The following VWA3B variants were observed in gnomAD, a reference collection of about 807,000 sequenced individuals.
VWA3B encodes von Willebrand factor A domain containing 3B.
In VWA3B, 138 loss-of-function variants were observed where a neutral mutation model predicts 158.3. The ratio of observed to expected loss-of-function variants is 0.87; its 90% CI spans 0.76 to 1.00. The LOEUF (loss-of-function observed/expected upper bound fraction) is 1.00. Among genes scored for constraint, VWA3B ranks in the 50% least tolerant of loss-of-function variants. The probability of loss-of-function intolerance (pLI) is 0.00; values close to 1 mark genes in which losing one functional copy is unlikely to be tolerated. For missense variants in VWA3B, 1,555 were observed against 1,565.1 expected, an observed-to-expected ratio of 0.99 and a Z score of 0.11; for synonymous variants, 596 against 587.3, an observed-to-expected ratio of 1.01 and a Z score of -0.21.
At chr2:98,238,368 C>T (rs1685843019) in intron 19 of VWA3B, among the ~76,000 whole-genome samples, 1 of 152,202 alleles carries the variant, frequency 6.6e-6, no homozygotes, top group Admixed American at 6.5e-5. Context: ...CTTCTAGAAG[C>T]AACAGGGAGA....
intron 2 of VWA3B, among the ~76,000 whole-genome samples, chr2:98,112,281 GGTGTGTGTGTGTGTGTGTGTGGGTGT>G (rs1240123304): frequency 1.3e-5 from 2 of 148,294 alleles, no homozygotes; most frequent in African/African-American, 5.0e-5. Context: ...GTCTGTTTGG[GGTGTGTGTGTGTGTGTGTGTGGGTGT>G]GTGTGTGTGT....
intron 8 of VWA3B, among the ~76,000 whole-genome samples, chr2:98,168,153 A>G (rs541374447): frequency 6.6e-6 from 1 of 152,350 alleles, no homozygotes; most frequent in South Asian, 2.1e-4. Context: ...ACTGACTGAG[A>G]ACTAACACAG....
chr2:98,145,629 T>A (rs538697590), intron 7 of VWA3B, among the ~76,000 whole-genome samples: 5 of 152,350 alleles, frequency 3.3e-5, no homozygotes, highest in Admixed American at 2.6e-4. Context: ...GCGTTCACCC[T>A]CTGTGGTTTC....
At chr2:98,278,360 G>A (rs1224130929) in intron 22 of VWA3B, among the ~76,000 whole-genome samples, 1 of 152,232 alleles carries the variant, frequency 6.6e-6, no homozygotes, top group Non-Finnish European at 1.5e-5. Context: ...GCCCCAGAGG[G>A]CGTGTGTTAC....
At chr2:98,102,619 C>A (rs1033090825) in intron 2 of VWA3B, among the ~76,000 whole-genome samples, 24 of 152,164 alleles carry the variant, frequency 1.6e-4, no homozygotes, top group African/African-American at 5.1e-4. Context: ...GCGAAAATAC[C>A]AATTTCTTAC....
chr2:98,229,193 T>A (rs1228005939), intron 15 of VWA3B, among the ~76,000 whole-genome samples: 4 of 152,196 alleles, frequency 2.6e-5, no homozygotes. Flanking sequence ...GCTTCTAAAT[T>A]TCAAAAATTT....
intron 19 of VWA3B, 104 bp downstream of exon 19, chr2:98,236,834 G>C: frequency 6.9e-7 from 1 of 1,440,522 alleles, no homozygotes; most frequent in Non-Finnish European, 9.3e-7. Context: ...ATGTATTTTA[G>C]CCACTGGGGG....
intron 26 of VWA3B, among the ~76,000 whole-genome samples, chr2:98,308,042 C>T (rs765611538): frequency 5.9e-5 from 9 of 152,024 alleles, no homozygotes; most frequent in East Asian, 1.9e-4. Context: ...TTGAACACAG[C>T]GAAATCTGAT....
intron 7 of VWA3B, among the ~76,000 whole-genome samples, chr2:98,138,477 C>G (rs767376332): frequency 4.2e-4 from 64 of 152,236 alleles, no homozygotes; most frequent in Non-Finnish European, 7.5e-4. Flanking sequence ...TTCTTACACA[C>G]TGGGGGAAAA....
At chr2:98,258,188 ACT>A (rs1297126649) in intron 21 of VWA3B, among the ~76,000 whole-genome samples, 2 of 151,336 alleles carry the variant, frequency 1.3e-5, no homozygotes, top group Admixed American at 6.6e-5. Flanking sequence ...TTATTTCTGG[ACT>A]CTCTATTCTA....
intron 21 of VWA3B, among the ~76,000 whole-genome samples, chr2:98,263,553 T>C (rs1687609725): frequency 6.6e-6 from 1 of 152,040 alleles, no homozygotes; most frequent in Non-Finnish European, 1.5e-5. Context: ...TTAATTTTCA[T>C]ATGTTGAACC....
chr2:98,312,298 C>T lies in VWA3B; in HGVS notation c.3834C>T (p.Leu1278=). The change falls in exon 28 of 28, where the codon CTC becomes CTT. Residue 1278 remains leucine (L), a synonymous_variant. Coordinates refer to ENST00000477737, the MANE Select transcript of VWA3B (RefSeq NM_144992.5). Reference sequence around the variant, plus strand: ...CTCGAGCAGCCCTGCCCTGTACTCTCCAAGCCACCCACAGCAGCAAAGGGC... The same window carrying T: ...CTCGAGCAGCCCTGCCCTGTACTCTTCAAGCCACCCACAGCAGCAAAGGGC... ...PPPRAALPCT[L]QATHSSKGLR... The T allele has an allele frequency of 6.2e-7, 1 of 1,614,110 alleles. No homozygotes were observed. Among genetic ancestry groups the T allele is most frequent in the Non-Finnish European group, 8.5e-7 (1 of 1,179,978 alleles).
chr2:98,097,129 G>C (rs1682770022), intron 2 of VWA3B, among the ~76,000 whole-genome samples: 1 of 151,132 alleles, frequency 6.6e-6, no homozygotes, highest in African/African-American at 2.4e-5. Flanking sequence ...GTAGATTTTG[G>C]GGTTCAAGTG....
intron 17 of VWA3B, 105 bp downstream of exon 17, chr2:98,234,872 G>A: frequency 6.7e-7 from 1 of 1,487,522 alleles, no homozygotes; most frequent in Non-Finnish European, 9.0e-7. Context: ...TATTTTAAAT[G>A]GGCCCAGATT....
intron 8 of VWA3B, among the ~76,000 whole-genome samples, chr2:98,172,884 T>C (rs938383810): frequency 6.6e-6 from 1 of 152,162 alleles, no homozygotes; most frequent in African/African-American, 2.4e-5. Context: ...AGATACACTA[T>C]TGGGGTGAAG....
chr2:98,200,673 A>T (rs1024448265), intron 12 of VWA3B, among the ~76,000 whole-genome samples: 1 of 152,152 alleles, frequency 6.6e-6, no homozygotes, highest in African/African-American at 2.4e-5. Flanking sequence ...TTCACTGTGT[A>T]TAAGTTTTTA....
chr2:98,148,796 C>T (rs1238225446), intron 7 of VWA3B, among the ~76,000 whole-genome samples: 1 of 152,202 alleles, frequency 6.6e-6, no homozygotes, highest in Non-Finnish European at 1.5e-5. Flanking sequence ...GACACTTGCT[C>T]CTGGACCATC....
At chr2:98,232,713 G>C (rs1685419753) in intron 16 of VWA3B, among the ~76,000 whole-genome samples, 1 of 152,154 alleles carries the variant, frequency 6.6e-6, no homozygotes, top group Non-Finnish European at 1.5e-5. Flanking sequence ...CTACTTTTGT[G>C]GGCTGTGGTT....
rs754228164 is a variant in VWA3B, at chr2:98,142,581, A to G, written c.988+8642A>G. Among the ~76,000 whole-genome samples the G allele has an allele frequency of 1.1e-4, 16 of 152,150 alleles. 1 individual carries two copies. Among genetic ancestry groups the G allele is most frequent in the Non-Finnish European group, 2.1e-4 (14 of 68,030 alleles). On this transcript the variant is annotated intron_variant, in intron 7 of 27. Coordinates refer to ENST00000477737, the MANE Select transcript of VWA3B (RefSeq NM_144992.5). ...GAGCCTGGTATCTGCTCAAGTGTGG[A>G]GGAGGAGATAGAGAGGGGAAAACAG...
Sources: gnomAD v4.1 joint callset for allele counts (sites outside exome capture counted in the v4.1 genomes callset) on GRCh38, gnomAD v4.1.1 for gene constraint, MANE v1.5 for transcripts, NCBI Gene and HGNC (gene_info 2026-07-23, HGNC 2026-07-21) for gene names.